GRM5: variants seen among roughly 807,000 people sequenced by gnomAD.
GRM5 encodes the protein glutamate metabotropic receptor 5.
In GRM5, 19 loss-of-function variants were observed where a neutral mutation model predicts 83.1. The ratio of observed to expected loss-of-function variants is 0.23; its 90% CI spans 0.16 to 0.34. The LOEUF (loss-of-function observed/expected upper bound fraction) is 0.34. GRM5 is among the 10% of genes least tolerant of loss of function. GRM5 has a pLI of 1.00. For missense variants in GRM5, 1,160 were observed against 1,588.3 expected, an observed-to-expected ratio of 0.73 and a Z score of 4.58; for synonymous variants, 675 against 633.6, an observed-to-expected ratio of 1.07 and a Z score of -0.98.
chr11:88,950,325 A>C (rs1938416597), intron 2 of GRM5, among the ~76,000 whole-genome samples: 2 of 150,258 alleles, frequency 1.3e-5, no homozygotes, highest in South Asian at 4.2e-4. Context: ...TCTAAACAGA[A>C]CCTATTAAGA....
chr11:89,054,801 A>G (rs934728495), intron 1 of GRM5, among the ~76,000 whole-genome samples: 4 of 152,232 alleles, frequency 2.6e-5, no homozygotes, highest in Admixed American at 2.6e-4. Context: ...TTCTCAAGAA[A>G]TATTATGGGT....
At chr11:89,019,389 G>A (rs1455964764) in intron 2 of GRM5, among the ~76,000 whole-genome samples, 1 of 151,920 alleles carries the variant, frequency 6.6e-6, no homozygotes, top group Non-Finnish European at 1.5e-5. Flanking sequence ...ATAGAAAAAT[G>A]TCATATCAAG....
chr11:89,035,230 A>G (rs1291044574), intron 2 of GRM5, among the ~76,000 whole-genome samples: 11 of 151,802 alleles, frequency 7.2e-5, no homozygotes, highest in Non-Finnish European at 1.5e-4. Context: ...AGCTTTTATT[A>G]TACTTTAAGT....
At chr11:88,779,022 C>G (rs760642411) in intron 3 of GRM5, among the ~76,000 whole-genome samples, 3 of 152,186 alleles carry the variant, frequency 2.0e-5, no homozygotes, top group Non-Finnish European at 4.4e-5. Context: ...TAATAAATAG[C>G]TTACATAATT....
chr11:88,867,517 TG>T, intron 2 of GRM5, among the ~76,000 whole-genome samples: 1 of 151,908 alleles, frequency 6.6e-6, no homozygotes, highest in South Asian at 2.1e-4. Context: ...AGAGCACTGC[TG>T]GCTTTTGTTA....
intron 1 of GRM5, among the ~76,000 whole-genome samples, chr11:89,050,543 G>GACTTCCACAATGATTGAACTAATTTAT (rs1484506522): frequency 2.6e-5 from 4 of 152,152 alleles, no homozygotes; most frequent in Non-Finnish European, 5.9e-5. Context: ...TCACCACGCT[G>GACTTCCACAATGATTGAACTAATTTAT]ACTTCCACAA....
At chr11:88,668,249 A>G (rs1940099560) in intron 3 of GRM5, among the ~76,000 whole-genome samples, 1 of 139,856 alleles carries the variant, frequency 7.2e-6, no homozygotes, top group African/African-American at 2.6e-5. Context: ...GAATAATTTT[A>G]TATCTCTTAA....
chr11:89,044,075 C>T (rs1345454544), intron 2 of GRM5, among the ~76,000 whole-genome samples: 1 of 152,166 alleles, frequency 6.6e-6, no homozygotes, highest in Non-Finnish European at 1.5e-5. Flanking sequence ...AATGGGCAAG[C>T]ACCATCAATC....
chr11:88,619,156 C>T (rs1040377671), intron 4 of GRM5, among the ~76,000 whole-genome samples: 3 of 152,166 alleles, frequency 2.0e-5, no homozygotes, highest in Non-Finnish European at 4.4e-5. Context: ...AAAACATGTT[C>T]TTTAATTCAT....
chr11:88,625,648 G>A (rs1216167538), intron 4 of GRM5, among the ~76,000 whole-genome samples: 1 of 152,130 alleles, frequency 6.6e-6, no homozygotes, highest in Non-Finnish European at 1.5e-5. Flanking sequence ...AGGGGGGCAA[G>A]GGCTGAAGAA....
intron 3 of GRM5, among the ~76,000 whole-genome samples, chr11:88,739,196 T>C (rs1941979635): frequency 6.6e-6 from 1 of 152,086 alleles, no homozygotes; most frequent in African/African-American, 2.4e-5. Context: ...CTCCTTGGCA[T>C]ATGGTAAACA....
chr11:88,902,355 G>GATCC (rs1460821212), intron 2 of GRM5, among the ~76,000 whole-genome samples: 4 of 152,064 alleles, frequency 2.6e-5, no homozygotes, highest in Non-Finnish European at 5.9e-5. Context: ...GGGAAGAGAA[G>GATCC]ATCCAACAAC....
intron 3 of GRM5, among the ~76,000 whole-genome samples, chr11:88,735,036 G>C (rs565049465): frequency 6.6e-6 from 1 of 151,734 alleles, no homozygotes; most frequent in East Asian, 2.0e-4. Context: ...TTGCACATTT[G>C]ATTTTTACAA....
chr11:88,822,634 G>A (rs1365211538), intron 3 of GRM5, among the ~76,000 whole-genome samples: 1 of 152,116 alleles, frequency 6.6e-6, no homozygotes, highest in Non-Finnish European at 1.5e-5. Flanking sequence ...GCAGCACACA[G>A]GGCTGGAATA....
Position 88,567,249 on chromosome 11 carries a change from C to T in GRM5, c.2434G>A (p.Val812Met). 6.2e-7 allele frequency: 1 copy of T among 1,614,054 alleles called. No homozygotes were observed. Among genetic ancestry groups the T allele is most frequent in the Non-Finnish European group, 8.5e-7 (1 of 1,179,914 alleles). Residue 812 changes from valine to methionine, a missense_variant, in exon 8 of 10, where the codon GTG (valine) becomes ATG (methionine). Val to Met is a conservative substitution (Grantham distance 21, BLOSUM62 1). Around this residue, in one of 9 missense-constraint regions of GRM5, gnomAD observed 66 missense variants for 138.6 expected, o/e 0.48. Transcript: ENST00000305447. This position sits in a 1 kb window ranked among gnomAD's most constrained non-coding sequence, Gnocchi z 7.3. Reference protein sequence around the residue: ...MCFSVSLSATVALGCMFVPKV... With the variant: ...MCFSVSLSATMALGCMFVPKV... ...GGCACAAACATGCAGCCTAGGGCCA[C>T]TGTGGCACTGAGGCTGACCGAGAAA...
In GRM5 at chr11:88,681,565, C is replaced by CTTTTTTTTTTT. The variant is rs796854617; in HGVS notation, c.912-28173_912-28163dup. Among the ~76,000 whole-genome samples, 74 of 25,414 alleles carry CTTTTTTTTTTT rather than the reference C, an allele frequency of 2.9e-3. 27 individuals are homozygous for CTTTTTTTTTTT. Among genetic ancestry groups the CTTTTTTTTTTT allele is most frequent in the South Asian group, 7.1e-3 (2 of 280 alleles). 16.7% of individuals were successfully genotyped at this position (25,414 alleles called of 152,430 possible). The stretch of plus-strand genomic sequence containing the variant: ...ATAAACTCAAGAGGTTGAGTTCTTC[C>CTTTTTTTTTTT]TTTTTTTTTTTTTTTTTTTTTTTTG... On this transcript the variant is annotated intron_variant, in intron 3 of 9. Transcript: ENST00000305447.
At chr11:88,641,957 C>A (rs551543520) in intron 4 of GRM5, among the ~76,000 whole-genome samples, 2 of 152,230 alleles carry the variant, frequency 1.3e-5, no homozygotes, top group South Asian at 4.1e-4. Flanking sequence ...CTAGGCAGTT[C>A]CCTGGTGGGG....
At chr11:88,945,742 T>C (rs1263226657) in intron 2 of GRM5, among the ~76,000 whole-genome samples, 1 of 152,050 alleles carries the variant, frequency 6.6e-6, no homozygotes, top group Middle Eastern at 3.2e-3. Flanking sequence ...TAACCAAGAT[T>C]GTTTAAAGAT....
At chr11:88,813,381 G>T (rs921348316) in intron 3 of GRM5, among the ~76,000 whole-genome samples, 5 of 152,102 alleles carry the variant, frequency 3.3e-5, no homozygotes, top group African/African-American at 7.2e-5. Context: ...GGTTTGCCAA[G>T]ATGTTTCAAT....
Sources: gnomAD v4.1 joint callset for allele counts (sites outside exome capture counted in the v4.1 genomes callset) on GRCh38, gnomAD v4.1.1 for gene constraint, gnomAD v4.1.1 regional missense constraint, Gnocchi (gnomAD v3.1) non-coding constraint, MANE v1.5 for transcripts, NCBI Gene and HGNC (gene_info 2026-07-23, HGNC 2026-07-21) for gene names.